Variants in AIG1 observed in about 807,000 individuals in gnomAD.
AIG1 encodes androgen induced 1.
Under a neutral mutation model 31.4 loss-of-function variants are expected in AIG1, and 23 were observed. The observed-to-expected ratio is 0.73, with a 90% CI of 0.53 to 1.04. The LOEUF is 1.04. AIG1 is among the 50% of genes least tolerant of loss of function. AIG1 has a pLI of 0.00. For missense variants in AIG1, 274 were observed against 295.0 expected (o/e 0.93, Z 0.52); for synonymous variants, 100 against 110.5 (o/e 0.90, Z 0.60).
chr6:143,222,023 C>A (rs1051249824), intron 3 of AIG1, among the ~76,000 whole-genome samples: 60 of 152,180 alleles, frequency 3.9e-4, no homozygotes, highest in Non-Finnish European at 7.4e-5. Context: ...GCTGCGAACA[C>A]CCCAGCAGTT....
chr6:143,339,683 A>G lies in AIG1; in HGVS notation c.*7A>G. On this transcript the variant is annotated 3_prime_UTR_variant, in exon 6 of 6. Transcript: ENST00000357847. ...AAAGCCTAAATTGGAATGAGATCCAAGTCTAAACGCAAGAGCTAGATTGAG... is the reference window on the plus strand; with the variant it reads ...AAAGCCTAAATTGGAATGAGATCCAGGTCTAAACGCAAGAGCTAGATTGAG... 1 of 1,613,366 alleles carries G rather than the reference A, an allele frequency of 6.2e-7. No homozygotes were observed. Among genetic ancestry groups the G allele is most frequent in the Non-Finnish European group, 8.5e-7 (1 of 1,179,650 alleles).
chr6:143,315,843 C>A (rs1457582966), intron 4 of AIG1, among the ~76,000 whole-genome samples: 1 of 151,986 alleles, frequency 6.6e-6, no homozygotes, highest in Non-Finnish European at 1.5e-5. Flanking sequence ...TCATAATAAT[C>A]ATAAATACTG....
At chr6:143,144,425 G>A (rs923843948) in intron 2 of AIG1, among the ~76,000 whole-genome samples, 1 of 152,138 alleles carries the variant, frequency 6.6e-6, no homozygotes, top group Non-Finnish European at 1.5e-5. Flanking sequence ...TTAAAATAGG[G>A]TGTCATGAGT....
rs534870026 is a variant in AIG1 at position 143,340,609 on chromosome 6, G to T, written c.*933G>T. Among the ~76,000 whole-genome samples, 3 of 151,898 alleles carry T rather than the reference G, an allele frequency of 2.0e-5. No individual in the cohort carries two copies. The highest frequency in any genetic ancestry group is 2.1e-4 in the South Asian group (1 of 4,824). ...CTCCCGAGTAGCTGGGACTACAGGC[G>T]CCTGCCACACGCCCGGCTTATTTTT... On this transcript the variant is annotated 3_prime_UTR_variant, in exon 6 of 6. Transcript: ENST00000357847.
chr6:143,254,300 C>T (rs1224350964), intron 3 of AIG1, among the ~76,000 whole-genome samples: 1 of 152,150 alleles, frequency 6.6e-6, no homozygotes, highest in African/African-American at 2.4e-5. Context: ...CTGCAAGAAG[C>T]AGGGAGGGGC....
At chr6:143,305,683 G>A (rs1799217998) in intron 4 of AIG1, among the ~76,000 whole-genome samples, 1 of 152,110 alleles carries the variant, frequency 6.6e-6, no homozygotes, top group Admixed American at 6.5e-5. Context: ...GTGCGGTGCT[G>A]AAAAAAATGT....
intron 1 of AIG1, among the ~76,000 whole-genome samples, chr6:143,098,697 C>G (rs1780002141): frequency 6.6e-6 from 1 of 152,202 alleles, no homozygotes; most frequent in South Asian, 2.1e-4. Flanking sequence ...CCTCCCAAAC[C>G]TGCTTCTACT....
At position 143,279,881 on chromosome 6, in the gene AIG1, A is replaced by T. The variant is rs1360573785; in HGVS notation, c.400-4229A>T. Among the ~76,000 whole-genome samples, 2 of 152,188 alleles carry T rather than the reference A, an allele frequency of 1.3e-5. No homozygotes were observed. Among genetic ancestry groups the T allele is most frequent in the African/African-American group, 4.8e-5 (2 of 41,446 alleles). On this transcript the variant is annotated intron_variant, in intron 3 of 5. Transcript: ENST00000357847. This position sits in a 1 kb window ranked among gnomAD's most constrained non-coding sequence, Gnocchi z 5.4. ...ACCAGTACTTTCTAGGATGGACTTT[A>T]TATGGAAGACCAAAGGTTTACTCCT...
chr6:143,262,636 A>T (rs897935516), intron 3 of AIG1, among the ~76,000 whole-genome samples: 4 of 152,204 alleles, frequency 2.6e-5, no homozygotes, highest in East Asian at 1.9e-4. Context: ...TTTACGCAGG[A>T]TCAGAAAAAG....
At chr6:143,167,868 C>G (rs1473662526) in intron 3 of AIG1, among the ~76,000 whole-genome samples, 1 of 152,160 alleles carries the variant, frequency 6.6e-6, no homozygotes, top group African/African-American at 2.4e-5. Flanking sequence ...CTTTGGTTTT[C>G]CTCATGTTCC....
At chr6:143,311,490 T>C (rs1775269960) in intron 4 of AIG1, among the ~76,000 whole-genome samples, 1 of 151,904 alleles carries the variant, frequency 6.6e-6, no homozygotes, top group African/African-American at 2.4e-5. Context: ...ATTCTAGGCA[T>C]GCAAGGATGG....
rs920713796 is a variant in AIG1, at chr6:143,291,524, G to T, written c.515+7299G>T. 2.0e-5 allele frequency among the ~76,000 whole-genome samples: 3 copies of T among 152,222 alleles called. No individual in the cohort carries two copies. The highest frequency in any genetic ancestry group is 7.2e-5 in the African/African-American group (3 of 41,448). On this transcript the variant is annotated intron_variant, in intron 4 of 5. Transcript: ENST00000357847. The surrounding 1 kb of genome is among the most constrained non-coding windows in gnomAD (Gnocchi z 4.2). ...GACTTCAGCCTCACAGCACTAATCA[G>T]TGGGAAGCAGGGATTTGCCAATGAC... is the stretch of plus-strand genomic sequence containing the variant.
chr6:143,246,310 G>A (rs901891493), intron 3 of AIG1, among the ~76,000 whole-genome samples: 9 of 151,820 alleles, frequency 5.9e-5, no homozygotes, highest in Middle Eastern at 3.4e-3. Context: ...ACAGTTCCAC[G>A]TGGCTAGGAA....
At chr6:143,189,133 T>C (rs1789550353) in intron 3 of AIG1, 1 of 619,158 alleles carries the variant, frequency 1.6e-6, no homozygotes, top group East Asian at 1.4e-4. Flanking sequence ...ACCCTTAAAC[T>C]GCAGGGCTCA....
chr6:143,237,936 A>C (rs1409134534), intron 3 of AIG1, among the ~76,000 whole-genome samples: 1 of 151,898 alleles, frequency 6.6e-6, no homozygotes, highest in Non-Finnish European at 1.5e-5. Flanking sequence ...CATTTTATTT[A>C]TTTATTTATT....
At chr6:143,195,542 C>G (rs1236537784) in intron 3 of AIG1, among the ~76,000 whole-genome samples, 5 of 151,928 alleles carry the variant, frequency 3.3e-5, no homozygotes. Flanking sequence ...TCCAGGGCTG[C>G]GGGGAAACGT....
At position 143,167,522 on chromosome 6, in the gene AIG1, A is replaced by G. The variant is rs142892713; in HGVS notation, c.399+2339A>G. ...TATTGTTAACAGGCCTGAACTGCACAATATTACCTTCATGCCAGAGAATGA... is the reference window on the plus strand; with the variant it reads ...TATTGTTAACAGGCCTGAACTGCACGATATTACCTTCATGCCAGAGAATGA... On this transcript the variant is annotated intron_variant, in intron 3 of 5. Coordinates refer to ENST00000357847, the MANE Select transcript of AIG1 (RefSeq NM_016108.4). 4.9e-4 allele frequency among the ~76,000 whole-genome samples: 74 copies of G among 152,358 alleles called. 1 individual carries two copies. Among genetic ancestry groups the G allele is most frequent in the African/African-American group, 1.6e-3 (66 of 41,584 alleles).
intron 1 of AIG1, among the ~76,000 whole-genome samples, chr6:143,088,059 C>T (rs1483933614): frequency 6.6e-6 from 1 of 152,180 alleles, no homozygotes; most frequent in African/African-American, 2.4e-5. Flanking sequence ...TTTCATAGAG[C>T]ATCCTAATTA....
At chr6:143,188,446 T>C (rs1789477185) in intron 3 of AIG1, 1 of 985,344 alleles carries the variant, frequency 1.0e-6, no homozygotes, top group Non-Finnish European at 1.2e-6. Context: ...TTTAACCTTA[T>C]TTGGAAGTCA....
Sources: allele counts gnomAD v4.1 joint callset (sites outside exome capture counted in the v4.1 genomes callset), GRCh38; gene constraint gnomAD v4.1.1; non-coding constraint Gnocchi (gnomAD v3.1); transcripts MANE v1.5; gene names NCBI Gene and HGNC (gene_info 2026-07-23, HGNC 2026-07-21).